Variants in PDGFD observed in about 807,000 individuals in gnomAD.
PDGFD encodes the protein platelet derived growth factor D, also known as platelet-derived growth factor D.
Under a neutral mutation model 44.7 loss-of-function variants are expected in PDGFD, and 30 were observed. The ratio of observed to expected loss-of-function variants is 0.67; its 90% CI spans 0.50 to 0.91. The LOEUF (loss-of-function observed/expected upper bound fraction) is 0.91. Among genes scored for constraint, PDGFD ranks in the 40% least tolerant of loss-of-function variants. The pLI, the probability that PDGFD is intolerant of heterozygous loss-of-function variation, is 0.00. For missense variants in PDGFD, 445 were observed against 457.8 expected, an observed-to-expected ratio of 0.97 and a Z score of 0.25; for synonymous variants, 173 against 168.4, an observed-to-expected ratio of 1.03 and a Z score of -0.21.
At position 103,908,686 on chromosome 11, in the gene PDGFD, G is replaced by A. The variant is rs771542993; in HGVS notation, c.*1008C>T. 2.6e-5 allele frequency: 4 copies of A among 152,108 alleles called. No individual in the cohort carries two copies. The highest frequency in any genetic ancestry group is 1.9e-4 in the East Asian group (1 of 5,192). 9.4% of individuals were successfully genotyped at this position (152,108 alleles called of 1,614,324 possible). On this transcript the variant is annotated 3_prime_UTR_variant, in exon 7 of 7. Transcript: ENST00000393158. ...TTAATTGGTGTAGTTTGGAGAGTTC[G>A]AATCCATTATTAGATATGGATCCTA...
At chr11:104,111,329 C>T (rs182553355) in intron 1 of PDGFD, among the ~76,000 whole-genome samples, 182 of 147,502 alleles carry the variant, frequency 1.2e-3, no homozygotes, top group Middle Eastern at 7.1e-3. Flanking sequence ...GGTGTGATCA[C>T]GGCTCACTGC....
intron 1 of PDGFD, among the ~76,000 whole-genome samples, chr11:104,098,328 C>A (rs1260978396): frequency 3.9e-5 from 6 of 151,970 alleles, no homozygotes; most frequent in African/African-American, 1.2e-4. Flanking sequence ...CTGGGCTTTC[C>A]AGAATAGATG....
chr11:104,014,555 C>T lies in PDGFD; in HGVS notation c.125-14300G>A, dbSNP rs376342539. Among the ~76,000 whole-genome samples the T allele has an allele frequency of 8.5e-5, 13 of 152,214 alleles. No individual in the cohort carries two copies. In the East Asian group the frequency reaches 9.6e-4, roughly 11 times the overall value. The stretch of plus-strand genomic sequence containing the variant: ...ACATGCTTTCTTGTGGGACCTCCTA[C>T]GGTAATCTAGAATCTTTTTTTCAGA... On this transcript the variant is annotated intron_variant, in intron 1 of 6. Coordinates refer to ENST00000393158, the MANE Select transcript of PDGFD (RefSeq NM_025208.5).
intron 3 of PDGFD, among the ~76,000 whole-genome samples, chr11:103,953,837 C>T (rs931098919): frequency 2.6e-5 from 4 of 152,204 alleles, no homozygotes; most frequent in Non-Finnish European, 5.9e-5. Flanking sequence ...TGTTCAAAGA[C>T]TGGACTACAA....
intron 1 of PDGFD, among the ~76,000 whole-genome samples, chr11:104,030,453 G>A (rs935504510): frequency 1.3e-5 from 2 of 152,128 alleles, no homozygotes; most frequent in African/African-American, 2.4e-5. Context: ...TGAGAAGAAG[G>A]CCACTCAGAT....
At chr11:104,045,027 G>C (rs139475926) in intron 1 of PDGFD, among the ~76,000 whole-genome samples, 2,871 of 152,190 alleles carry the variant, frequency 0.019, 107 homozygotes, top group African/African-American at 0.065. Context: ...GACAGAGGGA[G>C]ACTCTGTCTA....
At chr11:104,091,748 T>C (rs952023153) in intron 1 of PDGFD, among the ~76,000 whole-genome samples, 2 of 152,236 alleles carry the variant, frequency 1.3e-5, no homozygotes, top group Non-Finnish European at 2.9e-5. Flanking sequence ...ATATAACTAA[T>C]GGCTTTATAA....
At chr11:103,975,626 T>C (rs889991988) in intron 3 of PDGFD, among the ~76,000 whole-genome samples, 1 of 151,888 alleles carries the variant, frequency 6.6e-6, no homozygotes, top group African/African-American at 2.4e-5. Flanking sequence ...TTTTAGGTTT[T>C]AGGTTTATGT....
At chr11:104,074,279 G>A (rs961307782) in intron 1 of PDGFD, among the ~76,000 whole-genome samples, 5 of 152,168 alleles carry the variant, frequency 3.3e-5, no homozygotes, top group African/African-American at 7.2e-5. Flanking sequence ...CCATGAACTT[G>A]CGAGAACAGT....
chr11:104,050,056 C>T (rs568390540), intron 1 of PDGFD, among the ~76,000 whole-genome samples: 2 of 152,154 alleles, frequency 1.3e-5, no homozygotes, highest in South Asian at 4.2e-4. Flanking sequence ...GTTGATAGGA[C>T]ATATATGGGT....
intron 5 of PDGFD, among the ~76,000 whole-genome samples, chr11:103,931,133 G>T (rs1333936984): frequency 1.3e-5 from 2 of 152,062 alleles, no homozygotes; most frequent in East Asian, 3.9e-4. Context: ...GCACAACATG[G>T]GTGGTGATCA....
At chr11:104,020,424 A>G (rs575503005) in intron 1 of PDGFD, among the ~76,000 whole-genome samples, 1 of 152,298 alleles carries the variant, frequency 6.6e-6, no homozygotes, top group South Asian at 2.1e-4. Context: ...TAAGTAAAAA[A>G]TGGAAGATAT....
intron 1 of PDGFD, among the ~76,000 whole-genome samples, chr11:104,080,853 C>A (rs1343608450): frequency 6.6e-6 from 1 of 152,184 alleles, no homozygotes; most frequent in African/African-American, 2.4e-5. Context: ...GCTGCCATGT[C>A]ATGAGGACAC....
chr11:103,974,594 C>T (rs1859154286), intron 3 of PDGFD, among the ~76,000 whole-genome samples: 2 of 152,122 alleles, frequency 1.3e-5, no homozygotes, highest in African/African-American at 2.4e-5. Context: ...GCCCCGCGTG[C>T]ATTAGGTATT....
At chr11:104,128,075 C>T (rs1480230149) in intron 1 of PDGFD, among the ~76,000 whole-genome samples, 1 of 152,000 alleles carries the variant, frequency 6.6e-6, no homozygotes, top group Non-Finnish European at 1.5e-5. Context: ...CACAGGGCTG[C>T]TGTTAAAGCT....
At chr11:104,032,119 G>A (rs12791981) in intron 1 of PDGFD, among the ~76,000 whole-genome samples, 17,764 of 151,708 alleles carry the variant, frequency 0.12, 1,152 homozygotes, top group Middle Eastern at 0.18. Context: ...AAACAAACCT[G>A]CACATCCTGC....
intron 1 of PDGFD, among the ~76,000 whole-genome samples, chr11:104,146,134 A>C (rs1862158824): frequency 6.6e-6 from 1 of 152,224 alleles, no homozygotes; most frequent in Admixed American, 6.5e-5. Context: ...TCACCATTAA[A>C]GTTTCGACAA....
At chr11:104,011,690 T>A (rs1859789508) in intron 1 of PDGFD, among the ~76,000 whole-genome samples, 1 of 152,128 alleles carries the variant, frequency 6.6e-6, no homozygotes, top group Non-Finnish European at 1.5e-5. Flanking sequence ...GGATGAATTA[T>A]AATGTATTTG....
intron 1 of PDGFD, among the ~76,000 whole-genome samples, chr11:104,063,259 T>C (rs771021059): frequency 6.6e-6 from 1 of 151,996 alleles, no homozygotes; most frequent in Non-Finnish European, 1.5e-5. Context: ...GAAATCTCTA[T>C]AAGAGTCCTT....
Sources: allele counts gnomAD v4.1 joint callset (sites outside exome capture counted in the v4.1 genomes callset), GRCh38; gene constraint gnomAD v4.1.1; transcripts MANE v1.5; gene names NCBI Gene and HGNC (gene_info 2026-07-23, HGNC 2026-07-21).